The following PTPRF variants were observed in gnomAD, a reference collection of about 807,000 sequenced individuals.
The protein encoded by PTPRF is protein tyrosine phosphatase receptor type F, also known as receptor-type tyrosine-protein phosphatase F.
PTPRF carries 59 observed loss-of-function variants against 201.8 expected under a neutral mutation model. That is an observed-to-expected ratio of 0.29 (90% CI 0.24 to 0.36). The LOEUF is 0.36. PTPRF is among the 10% of genes least tolerant of loss of function. The pLI, the probability that PTPRF is intolerant of heterozygous loss-of-function variation, is 1.00. For synonymous variants in PTPRF, 1,088 were observed against 1,089.7 expected, an observed-to-expected ratio of 1.00 and a Z score of 0.03; for missense variants, 2,132 against 2,690.5, an observed-to-expected ratio of 0.79 and a Z score of 4.59.
At chr1:43,540,304 A>G (rs943326376) in intron 2 of PTPRF, among the ~76,000 whole-genome samples, 12 of 152,132 alleles carry the variant, frequency 7.9e-5, no homozygotes, top group African/African-American at 2.9e-4. Context: ...TGCTTTCACT[A>G]TACTGTACAA....
intron 26 of PTPRF, 99 bp from the exon 27 acceptor site, chr1:43,618,949 G>T (rs16831024): frequency 0.089 from 134,133 of 1,500,238 alleles, 7,419 homozygotes; most frequent in African/African-American, 0.26. Context: ...TGAGTCCCAT[G>T]GGGAAGTGGC....
At chr1:43,607,726 G>C (rs1041947450) in intron 21 of PTPRF, among the ~76,000 whole-genome samples, 1 of 152,230 alleles carries the variant, frequency 6.6e-6, no homozygotes, top group African/African-American at 2.4e-5. Flanking sequence ...CTCATTCAGT[G>C]TTCAGGCCCA....
chr1:43,570,872 C>T (rs1323678937), intron 6 of PTPRF, among the ~76,000 whole-genome samples: 1 of 152,238 alleles, frequency 6.6e-6, no homozygotes, highest in Non-Finnish European at 1.5e-5. Context: ...ATAATCAAGG[C>T]AGCAAACGGC....
intron 1 of PTPRF, among the ~76,000 whole-genome samples, chr1:43,533,188 T>C (rs1348880051): frequency 6.6e-6 from 1 of 152,158 alleles, no homozygotes; most frequent in African/African-American, 2.4e-5. Context: ...CTTCCTTCCT[T>C]CCTCCCTTTC....
chr1:43,603,994 A>G lies in PTPRF; in HGVS notation c.2842A>G (p.Ile948Val). Residue 948 changes from isoleucine to valine, a missense_variant, in exon 16 of 34, where the codon ATC (isoleucine) becomes GTC (valine). Physicochemically the swap from Ile to Val is conservative, Grantham distance 29. Transcript: ENST00000359947. The surrounding 1 kb of genome is among the most constrained non-coding windows in gnomAD (Gnocchi z 5.8). The stretch of plus-strand genomic sequence containing the variant: ...AGTGCTGGCGGAGAGGAACGGGCGC[A>G]TCATCAGCTACACCGTGGTGTTCCG... ...PPVLAERNGR[I>V]ISYTVVFRDI... is the part of the protein sequence containing the mutation. 2 of 1,614,158 alleles carry G rather than the reference A, an allele frequency of 1.2e-6. No individual in the cohort carries two copies. Among genetic ancestry groups the G allele is most frequent in the Non-Finnish European group, 1.7e-6 (2 of 1,179,984 alleles).
chr1:43,616,092 G>A (rs1476082477), intron 23 of PTPRF, among the ~76,000 whole-genome samples: 1 of 152,012 alleles, frequency 6.6e-6, no homozygotes, highest in Non-Finnish European at 1.5e-5. Context: ...AGCCTGAGGT[G>A]TGGGGTGTGC....
chr1:43,615,968 C>T (rs1437293813), intron 23 of PTPRF, among the ~76,000 whole-genome samples: 2 of 152,166 alleles, frequency 1.3e-5, no homozygotes, highest in African/African-American at 4.8e-5. Flanking sequence ...GGAACCCAGT[C>T]GTGGGGAGCA....
intron 5 of PTPRF, among the ~76,000 whole-genome samples, chr1:43,555,439 A>C (rs955076319): frequency 2.0e-4 from 27 of 137,020 alleles, no homozygotes; most frequent in Non-Finnish European, 3.7e-4. Context: ...CTGTATCATT[A>C]TTCTTTTTTT....
intron 3 of PTPRF, among the ~76,000 whole-genome samples, chr1:43,549,268 G>T (rs927952606): frequency 2.0e-5 from 3 of 152,214 alleles, no homozygotes; most frequent in Non-Finnish European, 4.4e-5. Flanking sequence ...CAGGCACGGG[G>T]CAGAGTAGTT....
intron 23 of PTPRF, among the ~76,000 whole-genome samples, 191 bp from the exon 24 acceptor site, chr1:43,617,254 C>G (rs1472548332): frequency 6.6e-6 from 1 of 152,086 alleles, no homozygotes; most frequent in Non-Finnish European, 1.5e-5. Flanking sequence ...GTCCCCAGTC[C>G]ATCACTTTTC....
At chr1:43,580,724 A>G (rs1393677102) in intron 7 of PTPRF, among the ~76,000 whole-genome samples, 1 of 152,204 alleles carries the variant, frequency 6.6e-6, no homozygotes, top group Admixed American at 6.5e-5. Context: ...GCCTCCTCCC[A>G]CCCTGACTAT....
chr1:43,620,835 C>T lies in PTPRF; in HGVS notation c.5365-3C>T, dbSNP rs772589759. On this transcript the variant is annotated splice_polypyrimidine_tract_variant and splice_region_variant and intron_variant, in intron 31 of 33. Coordinates refer to ENST00000359947, the MANE Select transcript of PTPRF (RefSeq NM_002840.5). ...AATCATGTACCCCACCCACCTTTCC[C>T]AGGATGGGCAGTCAAGGACAATCCG... is the stretch of plus-strand genomic sequence containing the variant. The T allele has an allele frequency of 3.7e-6, 6 of 1,608,956 alleles. No individual in the cohort carries two copies. Among genetic ancestry groups the T allele is most frequent in the East Asian group, 4.5e-5 (2 of 44,878 alleles).
Position 43,553,541 on chromosome 1 carries a change from AG to A in PTPRF, c.145del (p.Val49Ter). 6.2e-7 allele frequency: 1 copy of A among 1,614,046 alleles called. No individual in the cohort carries two copies. The highest frequency in any genetic ancestry group is 8.5e-7 in the Non-Finnish European group (1 of 1,179,952). On this transcript the variant is annotated frameshift_variant, in exon 4 of 34. Coordinates refer to ENST00000359947, the MANE Select transcript of PTPRF (RefSeq NM_002840.5). LOFTEE classifies it high-confidence loss of function. This position sits in a 1 kb window ranked among gnomAD's most constrained non-coding sequence, Gnocchi z 4.1. The stretch of plus-strand genomic sequence containing the variant: ...CTGAGGACCAGACTGGGCTGTCAGG[AG>A]GGGTAGCCTCCTTCGTGTGCCAAGC... ...VPEDQTGLSG[G>X]VASFVCQATG...
rs369031094 is a variant in PTPRF at position 43,553,804 on chromosome 1, T to C, written c.242T>C (p.Ile81Thr). The change falls in exon 5 of 34, where the codon ATT (isoleucine) becomes ACT (threonine). Residue 81 changes from isoleucine (I) to threonine (T), a missense_variant. Coordinates refer to ENST00000359947, the MANE Select transcript of PTPRF (RefSeq NM_002840.5). This position sits in a 1 kb window ranked among gnomAD's most constrained non-coding sequence, Gnocchi z 4.1. Reference sequence around the variant, plus strand: ...CCCATGTCTGTCCTCTGACAGGTCATTGAGTTTGATGATGGGGCAGGGTCA... The same window carrying C: ...CCCATGTCTGTCCTCTGACAGGTCACTGAGTTTGATGATGGGGCAGGGTCA... ...KKVSSQRFEV[I>T]EFDDGAGSVL... 1 of 1,613,954 alleles carries C rather than the reference T, an allele frequency of 6.2e-7. No individual in the cohort carries two copies. Among genetic ancestry groups the C allele is most frequent in the Non-Finnish European group, 8.5e-7 (1 of 1,180,016 alleles).
At chr1:43,602,397 C>T (rs538443273) in intron 14 of PTPRF, among the ~76,000 whole-genome samples, 1 of 152,340 alleles carries the variant, frequency 6.6e-6, no homozygotes, top group Admixed American at 6.5e-5. Context: ...ATCGTTAGGC[C>T]TTATTGATCC....
intron 33 of PTPRF, 43 bp from the exon 34 acceptor site, chr1:43,621,892 T>C (rs1659298204): frequency 3.2e-6 from 5 of 1,587,004 alleles, no homozygotes; most frequent in Non-Finnish European, 2.6e-6. Flanking sequence ...AGTGGGGGTG[T>C]CCACTGGCGC....
chr1:43,612,662 G>A lies in PTPRF; in HGVS notation c.3974-956G>A, dbSNP rs192084090. 1,566 of 1,042,288 alleles carry A rather than the reference G, an allele frequency of 1.5e-3. 15 individuals carry two copies. The highest frequency in any genetic ancestry group is 9.4e-3 in the Middle Eastern group (37 of 3,932). The allele number at this position is 1,042,288 out of a possible 1,614,324, so 64.6% of individuals were successfully genotyped here. On this transcript the variant is annotated intron_variant, in intron 22 of 33. Transcript: ENST00000359947. The stretch of plus-strand genomic sequence containing the variant: ...CCGCCAGCCCCTCGCAAGCCCGCTC[G>A]GCACCTCCACTGTGTGTGATGGTGC...
At chr1:43,581,192 G>A (rs983363426) in intron 7 of PTPRF, among the ~76,000 whole-genome samples, 2 of 152,216 alleles carry the variant, frequency 1.3e-5, no homozygotes, top group African/African-American at 4.8e-5. Context: ...GCCCTGACTG[G>A]CTCTTGCCAT....
At position 43,553,351 on chromosome 1, in the gene PTPRF, A is replaced by T; in HGVS notation, c.92-141A>T. The T allele has an allele frequency of 2.2e-6, 2 of 923,802 alleles. No homozygotes were observed. Among genetic ancestry groups the T allele is most frequent in the Non-Finnish European group, 3.3e-6 (2 of 597,534 alleles). The allele number at this position is 923,802 out of a possible 1,614,324, so 57.2% of individuals were successfully genotyped here. A position where few individuals can be genotyped will look rare whatever the true frequency, so the allele number is the denominator to read the frequency against. ...TTAAACTCTCTGAACAGTGCCTGGC[A>T]CATACTAAGCGCTACATAAAGGTGA... On this transcript the variant is annotated intron_variant, in intron 3 of 33. Transcript: ENST00000359947. The surrounding 1 kb of genome is among the most constrained non-coding windows in gnomAD (Gnocchi z 4.1).
Sources: gnomAD v4.1 joint callset for allele counts (sites outside exome capture counted in the v4.1 genomes callset) on GRCh38, gnomAD v4.1.1 for gene constraint, Gnocchi (gnomAD v3.1) non-coding constraint, MANE v1.5 for transcripts, NCBI Gene and HGNC (gene_info 2026-07-23, HGNC 2026-07-21) for gene names.